ENTREP2: variants seen among roughly 807,000 people sequenced by gnomAD.
The protein encoded by ENTREP2 is protein ENTREP2.
the ENTREP2 span, among the ~76,000 whole-genome samples, chr15:29,245,376 A>G: frequency 6.6e-6 from 1 of 152,168 alleles, no homozygotes; most frequent in Admixed American, 6.5e-5. Context: ...TACTGAGGGG[A>G]TAGTAGAAAA....
chr15:29,311,734 C>G, the ENTREP2 span, among the ~76,000 whole-genome samples: 2 of 152,070 alleles, frequency 1.3e-5, no homozygotes, highest in Non-Finnish European at 2.9e-5. Flanking sequence ...AAAATCCACT[C>G]AACATTCTTT....
At chr15:29,590,269 C>T in the ENTREP2 span, among the ~76,000 whole-genome samples, 2 of 152,086 alleles carry the variant, frequency 1.3e-5, no homozygotes, top group African/African-American at 2.4e-5. Context: ...AAGTAGATAT[C>T]GGCCACTCTG....
chr15:29,502,821 C>T, the ENTREP2 span, among the ~76,000 whole-genome samples: 1 of 151,778 alleles, frequency 6.6e-6, no homozygotes, highest in Non-Finnish European at 1.5e-5. Flanking sequence ...ATACAAATGG[C>T]CAATAAATGC....
the ENTREP2 span, among the ~76,000 whole-genome samples, chr15:29,127,398 C>CT: frequency 6.6e-6 from 1 of 151,862 alleles, no homozygotes; most frequent in Non-Finnish European, 1.5e-5. Context: ...GGCGTGGGGG[C>CT]TTTGGGTCTG....
chr15:29,423,751 T>C, the ENTREP2 span, among the ~76,000 whole-genome samples: 3 of 152,094 alleles, frequency 2.0e-5, no homozygotes, highest in Non-Finnish European at 4.4e-5. Context: ...TAAGCAGATA[T>C]CGCGCCACTG....
the ENTREP2 span, among the ~76,000 whole-genome samples, chr15:29,425,052 G>A: frequency 1.3e-5 from 2 of 151,964 alleles, no homozygotes; most frequent in African/African-American, 4.8e-5. Context: ...TTTTTGAGAT[G>A]GAGTCTCGCT....
the ENTREP2 span, among the ~76,000 whole-genome samples, chr15:29,154,970 G>A: frequency 6.6e-6 from 1 of 152,352 alleles, no homozygotes; most frequent in East Asian, 1.9e-4. Context: ...AGAAAAATGA[G>A]TCCTGAACTT....
At chr15:29,126,841 C>T in the ENTREP2 span, among the ~76,000 whole-genome samples, 1 of 152,214 alleles carries the variant, frequency 6.6e-6, no homozygotes, top group African/African-American at 2.4e-5. Context: ...GCATCCCCAC[C>T]AGGTCGCGGC....
chr15:29,451,044 C>T, the ENTREP2 span, among the ~76,000 whole-genome samples: 1 of 151,800 alleles, frequency 6.6e-6, no homozygotes, highest in African/African-American at 2.4e-5. Context: ...ATCTGTACAC[C>T]AAACCCCCAA....
the ENTREP2 span, among the ~76,000 whole-genome samples, chr15:29,383,339 G>C: frequency 1.3e-5 from 2 of 152,176 alleles, no homozygotes; most frequent in Admixed American, 6.5e-5. Context: ...CTCCACAAGA[G>C]TACCTCTTCT....
At chr15:29,347,321 C>A in the ENTREP2 span, among the ~76,000 whole-genome samples, 1 of 152,142 alleles carries the variant, frequency 6.6e-6, no homozygotes, top group East Asian at 1.9e-4. Context: ...TGCCATTGTG[C>A]CTGGCTAATT....
At chr15:29,532,459 A>C in the ENTREP2 span, among the ~76,000 whole-genome samples, 2 of 152,176 alleles carry the variant, frequency 1.3e-5, no homozygotes, top group African/African-American at 4.8e-5. Flanking sequence ...ATACCTTCCT[A>C]CTGGCAGACA....
chr15:29,276,928 A>G, the ENTREP2 span, among the ~76,000 whole-genome samples: 1 of 152,228 alleles, frequency 6.6e-6, no homozygotes, highest in East Asian at 1.9e-4. Flanking sequence ...TGAAAACAAT[A>G]TGACATTTTT....
At chr15:29,295,038 C>T in the ENTREP2 span, among the ~76,000 whole-genome samples, 14 of 152,150 alleles carry the variant, frequency 9.2e-5, no homozygotes, top group Non-Finnish European at 1.8e-4. Context: ...GCCAGACCAT[C>T]GGGAGGGAGA....
chr15:29,493,017 T>G, the ENTREP2 span, among the ~76,000 whole-genome samples: 1 of 150,586 alleles, frequency 6.6e-6, no homozygotes, highest in Non-Finnish European at 1.5e-5. Flanking sequence ...AAAAAAAAAG[T>G]TTTTGTTGAA....
the ENTREP2 span, among the ~76,000 whole-genome samples, chr15:29,523,612 C>T: frequency 4.1e-5 from 5 of 121,734 alleles, no homozygotes; most frequent in East Asian, 7.5e-4. Context: ...CAAGTTGATC[C>T]TGTAATTCAT....
chr15:29,443,481 C>G, the ENTREP2 span, among the ~76,000 whole-genome samples: 2 of 152,096 alleles, frequency 1.3e-5, no homozygotes, highest in Admixed American at 1.3e-4. Flanking sequence ...ACTAGCCCAC[C>G]AGGAAACCAT....
At chr15:29,268,578 TCAAAA>T in the ENTREP2 span, 7 of 477,434 alleles carry the variant, frequency 1.5e-5, no homozygotes, top group Non-Finnish European at 2.5e-5. Context: ...AAGAGTAAAA[TCAAAA>T]CAAATGCTCC....
the ENTREP2 span, among the ~76,000 whole-genome samples, chr15:29,495,075 T>C: frequency 6.6e-6 from 1 of 152,342 alleles, no homozygotes; most frequent in Non-Finnish European, 1.5e-5. Context: ...GTAGAATTGT[T>C]GGATCATATG....
Sources: allele counts gnomAD v4.1 joint callset (sites outside exome capture counted in the v4.1 genomes callset), GRCh38; gene constraint gnomAD v4.1.1; transcripts MANE v1.5; gene names NCBI Gene and HGNC (gene_info 2026-07-23, HGNC 2026-07-21).